CSMD1: variants seen among roughly 807,000 people sequenced by gnomAD.
CSMD1 encodes CUB and Sushi multiple domains 1, also known as CUB and sushi domain-containing protein 1.
CSMD1 carries 213 observed loss-of-function variants against 417.5 expected under a neutral mutation model. The ratio of observed to expected loss-of-function variants is 0.51; its 90% CI spans 0.46 to 0.57. CSMD1 has a LOEUF of 0.57. CSMD1 is among the 20% of genes least tolerant of loss of function. The pLI is 0.00. For synonymous variants in CSMD1, 2,862 were observed against 1,736.8 expected (o/e 1.65, Z -16.11); for missense variants, 6,923 against 4,529.7 (o/e 1.53, Z -15.17).
intron 1 of CSMD1, among the ~76,000 whole-genome samples, chr8:4,779,785 G>A (rs1219787999): frequency 6.6e-6 from 1 of 152,114 alleles, no homozygotes; most frequent in Non-Finnish European, 1.5e-5. Flanking sequence ...GAGCCCTTTT[G>A]GCAATGACGA....
Position 3,984,057 on chromosome 8 carries a change from C to G in CSMD1, c.818+13846G>C, listed in dbSNP as rs112321950. On this transcript the variant is annotated intron_variant, in intron 5 of 69. Coordinates refer to ENST00000635120, the MANE Select transcript of CSMD1 (RefSeq NM_033225.6). ...CACACGGCAGATCTGATGGGGCTGT[C>G]AATTGCAGCTCTAGAGCACACCACA... Among the ~76,000 whole-genome samples the G allele has an allele frequency of 6.2e-3, 723 of 116,838 alleles. 6 individuals are homozygous for G. The highest frequency in any genetic ancestry group is 0.02 in the African/African-American group (659 of 32,210). The allele number at this position is 116,838 out of a possible 152,430, so 76.7% of individuals were successfully genotyped here. A position where few individuals can be genotyped will look rare whatever the true frequency, so the allele number is the denominator to read the frequency against.
chr8:3,293,247 C>T (rs1017543750), intron 25 of CSMD1, among the ~76,000 whole-genome samples: 1 of 152,130 alleles, frequency 6.6e-6, no homozygotes, highest in Non-Finnish European at 1.5e-5. Context: ...TTCTCTCTGG[C>T]TGCCTTTAAC....
intron 7 of CSMD1, among the ~76,000 whole-genome samples, chr8:3,651,451 G>C (rs561620968): frequency 2.6e-5 from 4 of 152,148 alleles, no homozygotes; most frequent in East Asian, 3.9e-4. Context: ...CTCAGGGTCT[G>C]TGCACGTTCT....
intron 2 of CSMD1, among the ~76,000 whole-genome samples, chr8:4,617,907 C>G (rs1801567279): frequency 1.3e-5 from 2 of 152,154 alleles, no homozygotes; most frequent in East Asian, 1.9e-4. Context: ...GCCTGGGACC[C>G]AGTTCCTATG....
intron 5 of CSMD1, among the ~76,000 whole-genome samples, chr8:3,924,088 T>A (rs952614746): frequency 6.6e-6 from 1 of 152,228 alleles, no homozygotes; most frequent in East Asian, 1.9e-4. Flanking sequence ...CTGGTGGTGA[T>A]GAAATTTCTC....
chr8:3,737,595 C>A (rs1427636235), intron 6 of CSMD1, among the ~76,000 whole-genome samples: 2 of 152,140 alleles, frequency 1.3e-5, no homozygotes, highest in African/African-American at 4.8e-5. Context: ...AAAACACTGT[C>A]AAGAGAGATC....
chr8:4,944,416 G>T (rs1176009609), intron 1 of CSMD1, among the ~76,000 whole-genome samples: 1 of 152,138 alleles, frequency 6.6e-6, no homozygotes, highest in Admixed American at 6.5e-5. Flanking sequence ...GAATTCTCTT[G>T]AAATACTTTT....
chr8:4,190,926 C>A (rs564111951), intron 3 of CSMD1, among the ~76,000 whole-genome samples: 6 of 148,514 alleles, frequency 4.0e-5, no homozygotes, highest in African/African-American at 7.6e-5. Context: ...CATAGGTGAA[C>A]GACACAAACT....
chr8:3,785,311 G>C (rs1034506927), intron 5 of CSMD1, among the ~76,000 whole-genome samples: 1 of 152,182 alleles, frequency 6.6e-6, no homozygotes, highest in African/African-American at 2.4e-5. Context: ...GAAACTTCAG[G>C]CTGCGGAAAA....
In CSMD1 at chr8:2,987,717, C is replaced by G. The variant is rs192983043; in HGVS notation, c.8378-8917G>C. Reference sequence around the variant, plus strand: ...GCACAAGAGTGATGCGGGTTCATCACCGTTTCCCTCTGTGCCAGGGGACAC... The same window carrying G: ...GCACAAGAGTGATGCGGGTTCATCAGCGTTTCCCTCTGTGCCAGGGGACAC... On this transcript the variant is annotated intron_variant, in intron 54 of 69. Coordinates refer to ENST00000635120, the MANE Select transcript of CSMD1 (RefSeq NM_033225.6). Among the ~76,000 whole-genome samples, 1,284 of 152,308 alleles carry G rather than the reference C, an allele frequency of 8.4e-3. 12 individuals carry two copies. The highest frequency in any genetic ancestry group is 0.014 in the Non-Finnish European group (932 of 68,032).
At chr8:3,512,641 G>A (rs956145303) in intron 10 of CSMD1, among the ~76,000 whole-genome samples, 19 of 141,786 alleles carry the variant, frequency 1.3e-4, no homozygotes, top group Admixed American at 6.7e-4. Context: ...TTGCTTTGTC[G>A]CCAGGCTGGA....
chr8:4,360,158 TAC>T (rs1801669050), intron 3 of CSMD1, among the ~76,000 whole-genome samples: 1 of 152,158 alleles, frequency 6.6e-6, no homozygotes, highest in Non-Finnish European at 1.5e-5. Flanking sequence ...GAGGATGAAC[TAC>T]ACGTGAGAGT....
chr8:3,304,239 T>C (rs541142594), intron 25 of CSMD1, among the ~76,000 whole-genome samples: 2 of 152,178 alleles, frequency 1.3e-5, no homozygotes, highest in Non-Finnish European at 2.9e-5. Flanking sequence ...CATATTTATA[T>C]GACTGATGTA....
intron 1 of CSMD1, among the ~76,000 whole-genome samples, chr8:4,957,248 C>T (rs1003031150): frequency 2.6e-5 from 4 of 152,154 alleles, no homozygotes; most frequent in Non-Finnish European, 5.9e-5. Context: ...GAGTTGCCTT[C>T]AGGAATCCTG....
chr8:4,844,826 C>T (rs1456292563), intron 1 of CSMD1, among the ~76,000 whole-genome samples: 4 of 152,058 alleles, frequency 2.6e-5, no homozygotes, highest in African/African-American at 9.7e-5. Flanking sequence ...CAATCCAAAC[C>T]AGCCTTAAAA....
chr8:3,472,529 C>T (rs1482518159), intron 11 of CSMD1, among the ~76,000 whole-genome samples: 2 of 152,146 alleles, frequency 1.3e-5, no homozygotes, highest in Non-Finnish European at 2.9e-5. Flanking sequence ...CATCCACTCT[C>T]TATCTTCCTG....
At chr8:4,145,761 G>A (rs1008619091) in intron 3 of CSMD1, among the ~76,000 whole-genome samples, 2 of 151,044 alleles carry the variant, frequency 1.3e-5, no homozygotes, top group African/African-American at 2.5e-5. Context: ...CTGATTCCCT[G>A]CAGGTTCTGC....
chr8:4,346,157 C>T (rs1283618784), intron 3 of CSMD1, among the ~76,000 whole-genome samples: 1 of 152,104 alleles, frequency 6.6e-6, no homozygotes, highest in Non-Finnish European at 1.5e-5. Flanking sequence ...CCATGCTGGT[C>T]AACTATGGTT....
chr8:3,549,334 C>T (rs1007685848), intron 10 of CSMD1, among the ~76,000 whole-genome samples: 1 of 152,210 alleles, frequency 6.6e-6, no homozygotes. Flanking sequence ...GCAAGCTCAC[C>T]AGCTTCTGTT....
Sources: allele counts gnomAD v4.1 joint callset (sites outside exome capture counted in the v4.1 genomes callset), GRCh38; gene constraint gnomAD v4.1.1; transcripts MANE v1.5; gene names NCBI Gene and HGNC (gene_info 2026-07-23, HGNC 2026-07-21).